GPC5: variants seen among roughly 807,000 people sequenced by gnomAD.
The protein encoded by GPC5 is glypican 5, also known as glypican-5.
Under a neutral mutation model 53.9 loss-of-function variants are expected in GPC5, and 47 were observed. That is an observed-to-expected ratio of 0.87 (90% CI 0.69 to 1.11). The LOEUF is 1.11. Among genes scored for constraint, GPC5 ranks in the 50% most tolerant of loss-of-function variants. The pLI, the probability that GPC5 is intolerant of heterozygous loss-of-function variation, is 0.00. For missense variants in GPC5, 748 were observed against 713.1 expected (o/e 1.05, Z -0.56); for synonymous variants, 286 against 263.3 (o/e 1.09, Z -0.84).
chr13:91,571,850 T>TAC lies in GPC5; in HGVS notation c.326-121333_326-121332dup, dbSNP rs1467023729. Among the ~76,000 whole-genome samples the TAC allele has an allele frequency of 7.8e-3, 547 of 70,468 alleles. 91 individuals are homozygous for TAC. Among genetic ancestry groups the TAC allele is most frequent in the Admixed American group, 1.0e-2 (72 of 7,220 alleles). 46.2% of individuals were successfully genotyped at this position (70,468 alleles called of 152,430 possible). A position where few individuals can be genotyped will look rare whatever the true frequency, so the allele number is the denominator to read the frequency against. On this transcript the variant is annotated intron_variant, in intron 2 of 7. Coordinates refer to ENST00000377067, the MANE Select transcript of GPC5 (RefSeq NM_004466.6). ...ATATACACATATACTTGTGTGTATA[T>TAC]ACACATATACGTGTGTGTATATATA... is the stretch of plus-strand genomic sequence containing the variant.
Position 91,691,314 on chromosome 13 carries a change from G to A in GPC5, c.326-1873G>A, listed in dbSNP as rs116273255. On this transcript the variant is annotated intron_variant, in intron 2 of 7. Coordinates refer to ENST00000377067, the MANE Select transcript of GPC5 (RefSeq NM_004466.6). ...TAAATATAGATTCCTGAACCAAGAC[G>A]AACCTACTGAGTTAGGATTTCAAAT... 5.2e-3 allele frequency among the ~76,000 whole-genome samples: 794 copies of A among 152,232 alleles called. 12 individuals carry two copies. Among genetic ancestry groups the A allele is most frequent in the South Asian group, 0.035 (170 of 4,826 alleles).
intron 1 of GPC5, among the ~76,000 whole-genome samples, chr13:91,432,323 C>T (rs958461999): frequency 6.6e-6 from 1 of 151,682 alleles, no homozygotes; most frequent in Admixed American, 6.6e-5. Context: ...AAATTCATGA[C>T]TTCAAGTTTG....
chr13:91,706,757 TGAA>T (rs1594457365), intron 3 of GPC5, among the ~76,000 whole-genome samples: 1 of 151,706 alleles, frequency 6.6e-6, no homozygotes, highest in South Asian at 2.1e-4. Context: ...AACTGAGAGT[TGAA>T]GAAGATGTTC....
At position 92,866,189 on chromosome 13, in the gene GPC5, A is replaced by G. The variant is rs190641019; in HGVS notation, c.1562-93A>G. On this transcript the variant is annotated intron_variant, in intron 7 of 7. Coordinates refer to ENST00000377067, the MANE Select transcript of GPC5 (RefSeq NM_004466.6). The stretch of plus-strand genomic sequence containing the variant: ...AACATAGAGAATGGTCCCCAAAAAC[A>G]ATGCTGTCCACACTTTGAGTTTAAG... The G allele has an allele frequency of 2.3e-3, 2,554 of 1,105,108 alleles. 8 individuals carry two copies. The highest frequency in any genetic ancestry group is 2.8e-3 in the Non-Finnish European group (2,246 of 799,726). 68.5% of individuals were successfully genotyped at this position (1,105,108 alleles called of 1,614,324 possible).
At chr13:92,064,764 A>AAAAAAAAAAAAAAAAAAAAAAAAAAAC (rs1555308147) in intron 6 of GPC5, among the ~76,000 whole-genome samples, 3 of 138,364 alleles carry the variant, frequency 2.2e-5, no homozygotes, top group Non-Finnish European at 3.2e-5. Flanking sequence ...CTCAAAAAAA[A>AAAAAAAAAAAAAAAAAAAAAAAAAAAC]AAAACAAAAC....
chr13:92,146,628 G>T (rs934625263), intron 7 of GPC5, among the ~76,000 whole-genome samples: 4 of 151,958 alleles, frequency 2.6e-5, no homozygotes, highest in African/African-American at 4.8e-5. Flanking sequence ...AGTATACATC[G>T]TACTCAATTT....
chr13:92,700,420 G>A (rs1268477588), intron 7 of GPC5, among the ~76,000 whole-genome samples: 2 of 151,778 alleles, frequency 1.3e-5, no homozygotes, highest in Non-Finnish European at 2.9e-5. Context: ...TCTTTTAATT[G>A]GGGCAATTAG....
At chr13:91,453,682 A>G (rs888741648) in intron 2 of GPC5, among the ~76,000 whole-genome samples, 2 of 152,096 alleles carry the variant, frequency 1.3e-5, no homozygotes, top group African/African-American at 2.4e-5. Context: ...TATACAGCAA[A>G]TGTAAGTAAA....
intron 2 of GPC5, among the ~76,000 whole-genome samples, chr13:91,624,467 T>G (rs1189955763): frequency 6.6e-6 from 1 of 152,162 alleles, no homozygotes; most frequent in Non-Finnish European, 1.5e-5. Context: ...GTGGGAGATA[T>G]TCATATGTTT....
At chr13:92,104,634 C>T (rs2041493612) in intron 6 of GPC5, among the ~76,000 whole-genome samples, 1 of 152,100 alleles carries the variant, frequency 6.6e-6, no homozygotes, top group Non-Finnish European at 1.5e-5. Context: ...GTCAGCCTTT[C>T]TTCTGCTGAT....
intron 3 of GPC5, among the ~76,000 whole-genome samples, chr13:91,720,695 A>G (rs2036444613): frequency 6.6e-6 from 1 of 152,182 alleles, no homozygotes; most frequent in South Asian, 2.1e-4. Flanking sequence ...TGATTGTCAT[A>G]GGAAGCCAAA....
intron 7 of GPC5, among the ~76,000 whole-genome samples, chr13:92,613,417 A>G (rs1884535519): frequency 1.8e-5 from 1 of 56,644 alleles, no homozygotes; most frequent in Non-Finnish European, 3.1e-5. Context: ...TTATATATAA[A>G]TATGATATAT....
chr13:92,713,594 C>A (rs568660957), intron 7 of GPC5, among the ~76,000 whole-genome samples: 3 of 137,040 alleles, frequency 2.2e-5, no homozygotes, highest in Non-Finnish European at 3.0e-5. Flanking sequence ...GACGACAGAG[C>A]GAGACTCCAA....
At chr13:91,661,362 G>C (rs973344944) in intron 2 of GPC5, among the ~76,000 whole-genome samples, 1 of 152,176 alleles carries the variant, frequency 6.6e-6, no homozygotes, top group Admixed American at 6.5e-5. Flanking sequence ...GAATTTTCAG[G>C]CCCTCATTCC....
rs564482658 is a variant in GPC5 at position 91,846,465 on chromosome 13, G to T, written c.1281-61472G>T. 3.3e-5 allele frequency among the ~76,000 whole-genome samples: 5 copies of T among 151,960 alleles called. No individual in the cohort carries two copies. The East Asian group carries it at 9.7e-4, about 29-fold the overall frequency. ...AGTAACTTAGAATTTCCTTAGAATT[G>T]ATATAAGCATGTAAACTGAAGTTGA... On this transcript the variant is annotated intron_variant, in intron 5 of 7. Coordinates refer to ENST00000377067, the MANE Select transcript of GPC5 (RefSeq NM_004466.6).
intron 7 of GPC5, among the ~76,000 whole-genome samples, chr13:92,691,382 C>A (rs1254883706): frequency 6.9e-6 from 1 of 145,004 alleles, no homozygotes; most frequent in African/African-American, 2.6e-5. Flanking sequence ...TCCCTGACCC[C>A]TTGCGCTTCC....
intron 7 of GPC5, among the ~76,000 whole-genome samples, chr13:92,494,158 C>T (rs1879878764): frequency 6.6e-6 from 1 of 151,818 alleles, no homozygotes; most frequent in South Asian, 2.1e-4. Flanking sequence ...GGCGCGATCT[C>T]GGCTCACTGC....
chr13:92,032,358 C>G (rs1264484332), intron 6 of GPC5, among the ~76,000 whole-genome samples: 1 of 150,952 alleles, frequency 6.6e-6, no homozygotes, highest in Non-Finnish European at 1.5e-5. Context: ...GTGATGGATG[C>G]ACCAAAATCT....
chr13:91,810,283 G>A (rs1344480567), intron 5 of GPC5, among the ~76,000 whole-genome samples: 1 of 151,784 alleles, frequency 6.6e-6, no homozygotes, highest in Non-Finnish European at 1.5e-5. Flanking sequence ...AATTCTTATT[G>A]GATAATTATG....
Sources: allele counts gnomAD v4.1 joint callset (sites outside exome capture counted in the v4.1 genomes callset), GRCh38; gene constraint gnomAD v4.1.1; transcripts MANE v1.5; gene names NCBI Gene and HGNC (gene_info 2026-07-23, HGNC 2026-07-21).